CASZ1: variants seen among roughly 807,000 people sequenced by gnomAD.
CASZ1 encodes the protein zinc finger protein castor homolog 1.
A neutral mutation model predicts 135.2 loss-of-function variants in CASZ1; 28 were observed. That is an observed-to-expected ratio of 0.21 (90% confidence interval 0.15 to 0.28). The LOEUF is 0.28. CASZ1 is among the 10% of genes least tolerant of loss of function. The probability of loss-of-function intolerance (pLI) is 1.00; values close to 1 mark genes in which losing one functional copy is unlikely to be tolerated. For synonymous variants in CASZ1, 1,068 were observed against 1,073.4 expected, an observed-to-expected ratio of 0.99 and a Z score of 0.10; for missense variants, 2,161 against 2,453.3, an observed-to-expected ratio of 0.88 and a Z score of 2.52.
Position 10,665,318 on chromosome 1 carries a change from C to T in CASZ1, c.270G>A (p.Lys90=), listed in dbSNP as rs746349435. 71 of 1,612,706 alleles carry T rather than the reference C, an allele frequency of 4.4e-5. 1 individual carries two copies. Among genetic ancestry groups the T allele is most frequent in the Middle Eastern group, 1.6e-4 (1 of 6,082 alleles). ...EEDKRRAVIE[K]WVNGEYSEEP... ...CCTCGCTGTACTCCCCGTTCACCCA[C>T]TTCTCGATCACTGCCCGTCTCTTGT... The change falls in exon 5 of 21, where the codon AAG becomes AAA. Residue 90 remains lysine (K), a synonymous_variant. Coordinates refer to ENST00000377022, the MANE Select transcript of CASZ1 (RefSeq NM_001079843.3).
chr1:10,732,900 G>T (rs1029511495), intron 2 of CASZ1, among the ~76,000 whole-genome samples: 3 of 152,164 alleles, frequency 2.0e-5, no homozygotes, highest in Non-Finnish European at 4.4e-5. Flanking sequence ...TTCACAGGAT[G>T]CCCTGGGCCC....
intron 2 of CASZ1, among the ~76,000 whole-genome samples, chr1:10,743,684 G>C (rs1639976606): frequency 6.9e-6 from 1 of 144,194 alleles, no homozygotes; most frequent in South Asian, 2.4e-4. Flanking sequence ...GGGTGCGGGG[G>C]GAGGAGAAGA....
chr1:10,640,301 C>CG (rs950128334), intron 20 of CASZ1, among the ~76,000 whole-genome samples: 24 of 152,276 alleles, frequency 1.6e-4, no homozygotes, highest in African/African-American at 3.4e-4. Context: ...GCCTCTCCCC[C>CG]GGGGGGTGGC....
chr1:10,780,889 C>T (rs940620060), intron 1 of CASZ1, among the ~76,000 whole-genome samples: 6 of 152,162 alleles, frequency 3.9e-5, no homozygotes, highest in African/African-American at 1.4e-4. Context: ...CTTTCAATCC[C>T]ACAAAGAGTC....
intron 2 of CASZ1, among the ~76,000 whole-genome samples, chr1:10,723,368 G>A (rs1639539341): frequency 6.6e-6 from 1 of 152,184 alleles, no homozygotes; most frequent in South Asian, 2.1e-4. Context: ...GCTCTGGGGT[G>A]TGGGGGCTCT....
chr1:10,653,107 G>C (rs1434032971), intron 11 of CASZ1: 1 of 523,814 alleles, frequency 1.9e-6, no homozygotes, highest in Non-Finnish European at 3.5e-6. Flanking sequence ...CAGGGATGCA[G>C]GGCAGCCGAG....
rs1440281154 is a variant in CASZ1 at position 10,759,352 on chromosome 1, C to A, written c.-77+1349G>T. On this transcript the variant is annotated intron_variant, in intron 2 of 20. Transcript: ENST00000377022. This position sits in a 1 kb window ranked among gnomAD's most constrained non-coding sequence, Gnocchi z 4.2. ...AAGACTTCAGCGCCACGAAACTCCC[C>A]CCACGGCCTTTTCCAGGTGACAGTC... Among the ~76,000 whole-genome samples, 3 of 152,170 alleles carry A rather than the reference C, an allele frequency of 2.0e-5. No individual in the cohort carries two copies. Among genetic ancestry groups the A allele is most frequent in the Admixed American group, 2.0e-4 (3 of 15,278 alleles).
At chr1:10,656,480 A>T (rs1190868085) in intron 8 of CASZ1, among the ~76,000 whole-genome samples, 166 bp downstream of exon 8, 1 of 152,110 alleles carries the variant, frequency 6.6e-6, no homozygotes, top group African/African-American at 2.4e-5. Flanking sequence ...GAATCGGGGA[A>T]TGTGGGCAGG....
Position 10,726,525 on chromosome 1 carries a change from G to A in CASZ1, c.-76-20981C>T, listed in dbSNP as rs945418322. ...GAGGATGCCACCTTTTCCTCGTGCC[G>A]CCTCAGGCCAAGCTGAAGGCTGCAT... On this transcript the variant is annotated intron_variant, in intron 2 of 20. Coordinates refer to ENST00000377022, the MANE Select transcript of CASZ1 (RefSeq NM_001079843.3). The surrounding 1 kb of genome is among the most constrained non-coding windows in gnomAD (Gnocchi z 5.7). 6.6e-6 allele frequency among the ~76,000 whole-genome samples: 1 copy of A among 152,192 alleles called. No individual in the cohort carries two copies. The highest frequency in any genetic ancestry group is 6.5e-5 in the Admixed American group (1 of 15,292).
intron 2 of CASZ1, among the ~76,000 whole-genome samples, chr1:10,736,203 C>A (rs1178152988): frequency 6.6e-6 from 1 of 152,204 alleles, no homozygotes; most frequent in Non-Finnish European, 1.5e-5. Flanking sequence ...GGCAGCTTCA[C>A]CAGAATGCCC....
chr1:10,754,711 G>C lies in CASZ1; in HGVS notation c.-77+5990C>G, dbSNP rs368376839. Among the ~76,000 whole-genome samples the C allele has an allele frequency of 9.2e-5, 14 of 152,304 alleles. No individual in the cohort carries two copies. The South Asian group carries it at 1.9e-3, about 20-fold the overall frequency. Reference sequence around the variant, plus strand: ...GGGACCGATCCTCTCTCTGCCTGGAGAGCAGCACGGCGTGGGACTCACAGC... The same window carrying C: ...GGGACCGATCCTCTCTCTGCCTGGACAGCAGCACGGCGTGGGACTCACAGC... On this transcript the variant is annotated intron_variant, in intron 2 of 20. Transcript: ENST00000377022.
intron 4 of CASZ1, among the ~76,000 whole-genome samples, chr1:10,684,777 ATT>A (rs1256359644): frequency 1.3e-5 from 2 of 152,192 alleles, no homozygotes; most frequent in African/African-American, 4.8e-5. Context: ...GGTGTCAGAA[ATT>A]CTCTCTTTCC....
chr1:10,702,146 G>A (rs998969052), intron 3 of CASZ1, among the ~76,000 whole-genome samples: 2 of 152,202 alleles, frequency 1.3e-5, no homozygotes, highest in Admixed American at 1.3e-4. Context: ...GGTGACACAT[G>A]TCCGCTTCCT....
intron 1 of CASZ1, among the ~76,000 whole-genome samples, chr1:10,783,893 A>AAG (rs1640808904): frequency 6.8e-6 from 1 of 146,662 alleles, no homozygotes; most frequent in Non-Finnish European, 1.5e-5. Flanking sequence ...AAAAAAAAAA[A>AAG]CCTACAATTA....
intron 3 of CASZ1, among the ~76,000 whole-genome samples, chr1:10,695,257 C>G (rs1638904153): frequency 1.3e-5 from 2 of 152,014 alleles, no homozygotes; most frequent in Non-Finnish European, 2.9e-5. Context: ...GAGCGCCGGC[C>G]TGGGACACGC....
At chr1:10,790,455 G>A (rs1363183984) in intron 1 of CASZ1, among the ~76,000 whole-genome samples, 4 of 152,070 alleles carry the variant, frequency 2.6e-5, no homozygotes, top group Admixed American at 6.5e-5. Context: ...GCCTCTCTTC[G>A]GTTCCCTCTG....
chr1:10,703,161 A>G (rs1268765439), intron 3 of CASZ1, among the ~76,000 whole-genome samples: 2 of 152,190 alleles, frequency 1.3e-5, no homozygotes, highest in African/African-American at 2.4e-5. Context: ...GAGGCCCAGC[A>G]GACTCTGCAG....
chr1:10,714,165 G>T (rs1639335562), intron 2 of CASZ1, among the ~76,000 whole-genome samples: 1 of 152,056 alleles, frequency 6.6e-6, no homozygotes, highest in East Asian at 1.9e-4. Context: ...AAATTAGCCG[G>T]TGTGGTGGCA....
rs371984154 is a variant in CASZ1, at chr1:10,691,456, C to T, written c.16+2418G>A. 1.6e-4 allele frequency among the ~76,000 whole-genome samples: 24 copies of T among 152,184 alleles called. 1 individual carries two copies. In the East Asian group the frequency reaches 4.5e-3, roughly 28 times the overall value. ...AAGGCCTTCAGGACCTAGATGTGTC[C>T]GGGGCCGCGGGGATGTTAACCTACG... On this transcript the variant is annotated intron_variant, in intron 4 of 20. Transcript: ENST00000377022.
Sources: allele counts gnomAD v4.1 joint callset (sites outside exome capture counted in the v4.1 genomes callset), GRCh38; gene constraint gnomAD v4.1.1; non-coding constraint Gnocchi (gnomAD v3.1); transcripts MANE v1.5; gene names NCBI Gene and HGNC (gene_info 2026-07-23, HGNC 2026-07-21).